PPFIA1: variants seen among roughly 807,000 people sequenced by gnomAD.
PPFIA1 encodes liprin-alpha-1.
In PPFIA1, 25 loss-of-function variants were observed where a neutral mutation model predicts 149.9. The ratio of observed to expected loss-of-function variants is 0.17; its 90% CI spans 0.12 to 0.23. The LOEUF (loss-of-function observed/expected upper bound fraction) is 0.23, where lower values mean the gene tolerates loss of function less well. Ranked by LOEUF, PPFIA1 falls within the 10% of genes least tolerant of loss-of-function variation. The pLI is 1.00. For missense variants in PPFIA1, 1,362 were observed against 1,506.5 expected (o/e 0.90, Z 1.59); for synonymous variants, 549 against 552.8 (o/e 0.99, Z 0.10).
chr11:70,273,642 GC>G lies in PPFIA1; in HGVS notation c.264+1208del, dbSNP rs2050224414. 2.0e-5 allele frequency among the ~76,000 whole-genome samples: 3 copies of G among 152,204 alleles called. No homozygotes were observed. The South Asian group carries it at 6.2e-4, about 32-fold the overall frequency. ...GTCAGTTCTCCTGAAAGATTGATAAGCCAAACGTGGGTTTCCTTTTTAGCAA... is the reference window on the plus strand; with the variant it reads ...GTCAGTTCTCCTGAAAGATTGATAAGCAAACGTGGGTTTCCTTTTTAGCAA... On this transcript the variant is annotated intron_variant, in intron 2 of 27. Coordinates refer to ENST00000253925, the MANE Select transcript of PPFIA1 (RefSeq NM_003626.5).
intron 8 of PPFIA1, among the ~76,000 whole-genome samples, chr11:70,331,138 G>C (rs1212994569): frequency 6.6e-6 from 1 of 152,020 alleles, no homozygotes; most frequent in Non-Finnish European, 1.5e-5. Flanking sequence ...AGGAGGCTGA[G>C]GCAGGAGAAT....
intron 21 of PPFIA1, among the ~76,000 whole-genome samples, chr11:70,368,830 G>T (rs550783374): frequency 2.6e-5 from 4 of 152,048 alleles, no homozygotes; most frequent in Non-Finnish European, 4.4e-5. Context: ...TGCAATTTAT[G>T]TGCTTTTTAT....
chr11:70,368,092 C>G (rs1003151034), intron 21 of PPFIA1, among the ~76,000 whole-genome samples: 3 of 152,128 alleles, frequency 2.0e-5, no homozygotes, highest in Admixed American at 2.0e-4. Context: ...GAGCCGAGAT[C>G]ATGCCACTAC....
chr11:70,271,444 C>A (rs186132786), intron 1 of PPFIA1: 1 of 152,338 alleles, frequency 6.6e-6, no homozygotes, highest in Non-Finnish European at 1.5e-5. Flanking sequence ...AATAGACTCT[C>A]GTAATCTCAC....
chr11:70,338,051 T>C (rs1295586954), intron 12 of PPFIA1, among the ~76,000 whole-genome samples: 3 of 152,250 alleles, frequency 2.0e-5, no homozygotes, highest in Non-Finnish European at 2.9e-5. Flanking sequence ...ACGTGAATAT[T>C]GTTCCCCTTC....
intron 14 of PPFIA1, among the ~76,000 whole-genome samples, chr11:70,339,545 C>T (rs1291480848): frequency 6.6e-6 from 1 of 150,876 alleles, no homozygotes; most frequent in Non-Finnish European, 1.5e-5. Flanking sequence ...GTCTTGAACT[C>T]CTGGCCTCAC....
rs553550128 is a variant in PPFIA1, at chr11:70,326,646, T to C, written c.758T>C (p.Ile253Thr). The C allele has an allele frequency of 5.0e-6, 8 of 1,614,184 alleles. No homozygotes were observed. The African/African-American group carries it at 1.1e-4, about 22-fold the overall frequency. ...CACGAGGAAGACCTTGCTAAAGTAATTGAGCTCCAAGAAATCATAAGTAAG... is the reference window on the plus strand; with the variant it reads ...CACGAGGAAGACCTTGCTAAAGTAACTGAGCTCCAAGAAATCATAAGTAAG... ...LSHEEDLAKV[I>T]ELQEIISKQS... Residue 253 changes from isoleucine to threonine, a missense_variant, in exon 7 of 28, where the codon ATT (isoleucine) becomes ACT (threonine). Transcript: ENST00000253925.
At chr11:70,339,794 C>T (rs2055202336) in intron 14 of PPFIA1, among the ~76,000 whole-genome samples, 1 of 152,144 alleles carries the variant, frequency 6.6e-6, no homozygotes, top group Admixed American at 6.5e-5. Context: ...GCGGGTGGAT[C>T]ACCTGAGGTC....
Position 70,384,038 on chromosome 11 carries a change from G to C in PPFIA1, c.*1048G>C, listed in dbSNP as rs1397033488. 3.3e-5 allele frequency: 5 copies of C among 152,372 alleles called. No homozygotes were observed. The East Asian group carries it at 7.7e-4, about 24-fold the overall frequency. 9.4% of individuals were successfully genotyped at this position (152,372 alleles called of 1,614,324 possible). ...ACATTTGTTTGTAAACATGTTTAAA[G>C]AACGAACCTAGTGGGACATTTTTAG... On this transcript the variant is annotated 3_prime_UTR_variant, in exon 28 of 28. Coordinates refer to ENST00000253925, the MANE Select transcript of PPFIA1 (RefSeq NM_003626.5).
intron 15 of PPFIA1, 56 bp from the exon 16 acceptor site, chr11:70,348,133 A>G (rs2055830178): frequency 6.6e-7 from 1 of 1,510,606 alleles, no homozygotes; most frequent in African/African-American, 1.4e-5. Flanking sequence ...TTCTCATGCA[A>G]ACACATTAAT....
At chr11:70,332,139 C>T in intron 9 of PPFIA1, 45 bp downstream of exon 9, 1 of 1,541,952 alleles carries the variant, frequency 6.5e-7, no homozygotes, top group Non-Finnish European at 8.7e-7. Context: ...AGGCCTGTGA[C>T]TGTGCCTTGC....
intron 2 of PPFIA1, among the ~76,000 whole-genome samples, chr11:70,311,332 A>C (rs1157620350): frequency 6.6e-6 from 1 of 151,736 alleles, no homozygotes; most frequent in Non-Finnish European, 1.5e-5. Flanking sequence ...AGATAAAGGC[A>C]GGTGCAGGGT....
intron 16 of PPFIA1, 90 bp from the exon 17 acceptor site, chr11:70,354,211 C>T (rs1021735579): frequency 2.1e-5 from 28 of 1,356,168 alleles, no homozygotes; most frequent in Non-Finnish European, 2.8e-5. Context: ...CACAGCAAAT[C>T]GATTTTCAAA....
chr11:70,308,810 G>A (rs1211371377), intron 2 of PPFIA1, among the ~76,000 whole-genome samples: 1 of 152,134 alleles, frequency 6.6e-6, no homozygotes, highest in Non-Finnish European at 1.5e-5. Context: ...ACATTGTGGT[G>A]CACGTCTGTA....
chr11:70,339,325 A>G lies in PPFIA1; in HGVS notation c.1707+19A>G. The G allele has an allele frequency of 2.5e-6, 4 of 1,606,156 alleles. No homozygotes were observed. Among genetic ancestry groups the G allele is most frequent in the Non-Finnish European group, 3.4e-6 (4 of 1,174,164 alleles). On this transcript the variant is annotated intron_variant, in intron 14 of 27. Transcript: ENST00000253925. ...TTCCAAGGCAAGGTCTTTGTGTGAA[A>G]TACCTCTGCTTACGTGAAAGTTACC... is the stretch of plus-strand genomic sequence containing the variant.
chr11:70,342,932 C>T (rs1387202799), intron 14 of PPFIA1, among the ~76,000 whole-genome samples: 1 of 134,056 alleles, frequency 7.5e-6, no homozygotes, highest in African/African-American at 2.9e-5. Flanking sequence ...TTGAAATGTA[C>T]CACCTTTTTT....
At chr11:70,314,777 G>A (rs1012416096) in intron 2 of PPFIA1, among the ~76,000 whole-genome samples, 1 of 152,060 alleles carries the variant, frequency 6.6e-6, no homozygotes, top group East Asian at 1.9e-4. Context: ...AACTGACAGG[G>A]AAAATAAATA....
At chr11:70,335,278 C>T (rs2054902879) in intron 10 of PPFIA1, among the ~76,000 whole-genome samples, 2 of 152,202 alleles carry the variant, frequency 1.3e-5, no homozygotes, top group African/African-American at 4.8e-5. Flanking sequence ...TAAATCTGCT[C>T]CTTAAGTCCC....
In PPFIA1 at chr11:70,317,801, AG is replaced by A. The variant is rs549187940; in HGVS notation, c.265-6600del. Reference sequence around the variant, plus strand: ...GGCTGCATGGTTCTTGCATCATCCGAGTTGTGAAGTGCTCTTCCTCCACTTC... The same window carrying A: ...GGCTGCATGGTTCTTGCATCATCCGATTGTGAAGTGCTCTTCCTCCACTTC... On this transcript the variant is annotated intron_variant, in intron 2 of 27. Transcript: ENST00000253925. 1.2e-3 allele frequency among the ~76,000 whole-genome samples: 182 copies of A among 152,204 alleles called. 2 individuals are homozygous for A. Among genetic ancestry groups the A allele is most frequent in the Non-Finnish European group, 2.0e-3 (139 of 68,004 alleles).
Sources: allele counts gnomAD v4.1 joint callset (sites outside exome capture counted in the v4.1 genomes callset), GRCh38; gene constraint gnomAD v4.1.1; transcripts MANE v1.5; gene names NCBI Gene and HGNC (gene_info 2026-07-23, HGNC 2026-07-21).